Variants in TYRP1 observed in about 807,000 individuals in gnomAD.
TYRP1 encodes the protein 5,6-dihydroxyindole-2-carboxylic acid oxidase.
A neutral mutation model predicts 42.8 loss-of-function variants in TYRP1; 49 were observed. That is an observed-to-expected ratio of 1.14 (90% CI 0.91 to 1.45). The LOEUF (loss-of-function observed/expected upper bound fraction) is 1.45. Among genes scored for constraint, TYRP1 ranks in the 40% most tolerant of loss-of-function variants. The probability of loss-of-function intolerance (pLI) is 0.00; values close to 1 mark genes in which losing one functional copy is unlikely to be tolerated. For missense variants in TYRP1, 848 were observed against 662.0 expected (o/e 1.28, Z -3.08); for synonymous variants, 279 against 235.4 (o/e 1.19, Z -1.69).
intron 6 of TYRP1, among the ~76,000 whole-genome samples, chr9:12,705,557 A>C (rs1818244114): frequency 6.6e-6 from 1 of 152,044 alleles, no homozygotes; most frequent in African/African-American, 2.4e-5. Flanking sequence ...TTCCATCAAA[A>C]ATTATTTAAG....
At position 12,709,700 on chromosome 9, in the gene TYRP1, A is replaced by G. The variant is rs748262937; in HGVS notation, c.*518A>G. On this transcript the variant is annotated 3_prime_UTR_variant, in exon 8 of 8. Coordinates refer to ENST00000388918, the MANE Select transcript of TYRP1 (RefSeq NM_000550.3). ...ATGAAATTTTGATTAACCTTTTCAA[A>G]TTAATGTTCCAGTTTGAAGACCAAT... is the stretch of plus-strand genomic sequence containing the variant. The G allele has an allele frequency of 1.3e-4, 21 of 162,116 alleles. No homozygotes were observed. Among genetic ancestry groups the G allele is most frequent in the Non-Finnish European group, 2.5e-4 (18 of 73,402 alleles). 10.0% of individuals were successfully genotyped at this position (162,116 alleles called of 1,614,324 possible).
chr9:12,698,004 C>G (rs935118023), intron 3 of TYRP1, among the ~76,000 whole-genome samples: 1 of 152,080 alleles, frequency 6.6e-6, no homozygotes, highest in Non-Finnish European at 1.5e-5. Context: ...AAAATTAGCA[C>G]TCCACAAAAC....
At chr9:12,695,470 C>T in intron 2 of TYRP1, 45 bp from the exon 3 acceptor site, 4 of 1,576,300 alleles carry the variant, frequency 2.5e-6, no homozygotes, top group Non-Finnish European at 3.5e-6. Flanking sequence ...TCTACCCATC[C>T]CCGCAAGGCA....
intron 5 of TYRP1, among the ~76,000 whole-genome samples, chr9:12,703,388 T>G (rs1314674033): frequency 6.6e-6 from 1 of 151,904 alleles, no homozygotes; most frequent in African/African-American, 2.4e-5. Context: ...TTTTAATAAC[T>G]ACCTGAATGC....
At position 12,694,288 on chromosome 9, in the gene TYRP1, A is replaced by G. The variant is rs1173193758; in HGVS notation, c.292A>G (p.Thr98Ala). 2 of 1,613,964 alleles carry G rather than the reference A, an allele frequency of 1.2e-6. No individual in the cohort carries two copies. The highest frequency in any genetic ancestry group is 4.5e-5 in the East Asian group (2 of 44,836). ...EVWPLRFFNRTCHCNGNFSGH... is the reference protein window; with the variant it reads ...EVWPLRFFNRACHCNGNFSGH... ...CTGGCCCTTGCGCTTCTTCAATAGG[A>G]CATGTCACTGCAACGGCAATTTCTC... is the stretch of plus-strand genomic sequence containing the variant. Residue 98 changes from threonine (T) to alanine (A), a missense_variant, in exon 2 of 8, where the codon ACA becomes GCA. Thr to Ala is a moderately conservative substitution (Grantham distance 58). Coordinates refer to ENST00000388918, the MANE Select transcript of TYRP1 (RefSeq NM_000550.3).
chr9:12,704,744 G>A (rs544145489), intron 6 of TYRP1, 39 bp downstream of exon 6: 2 of 1,598,300 alleles, frequency 1.3e-6, no homozygotes, highest in African/African-American at 2.7e-5. Context: ...GCTCAGCTGG[G>A]CGGATTGTTT....
intron 5 of TYRP1, 86 bp from the exon 6 acceptor site, chr9:12,704,440 T>C: frequency 6.8e-7 from 1 of 1,481,000 alleles, no homozygotes; most frequent in Non-Finnish European, 9.2e-7. Flanking sequence ...TTGAAAAAAT[T>C]GTTTCCCAAT....
At chr9:12,706,615 T>C (rs971930948) in intron 6 of TYRP1, among the ~76,000 whole-genome samples, 1 of 152,020 alleles carries the variant, frequency 6.6e-6, no homozygotes, top group African/African-American at 2.4e-5. Context: ...AATGTGGCCA[T>C]AAAATTATAG....
At chr9:12,695,973 G>A in intron 3 of TYRP1, 136 bp downstream of exon 3, 1 of 893,574 alleles carries the variant, frequency 1.1e-6, no homozygotes, top group Non-Finnish European at 1.7e-6. Context: ...ACCTGTCTTT[G>A]GCATTTCGTT....
At chr9:12,707,953 A>T in intron 6 of TYRP1, 44 bp from the exon 7 acceptor site, 1 of 1,551,254 alleles carries the variant, frequency 6.4e-7, no homozygotes, top group Non-Finnish European at 8.8e-7. Flanking sequence ...TAGGAATATT[A>T]ATTTTATTAT....
chr9:12,698,373 C>T lies in TYRP1; in HGVS notation c.709-78C>T, dbSNP rs1818110587. Reference sequence around the variant, plus strand: ...TCTGAAGAGAGCTAATAGAAATAGACTGTCAGAGAGTAGACCAAACAGAAA... The same window carrying T: ...TCTGAAGAGAGCTAATAGAAATAGATTGTCAGAGAGTAGACCAAACAGAAA... On this transcript the variant is annotated intron_variant, in intron 3 of 7. Coordinates refer to ENST00000388918, the MANE Select transcript of TYRP1 (RefSeq NM_000550.3). 8.0e-6 allele frequency: 11 copies of T among 1,366,746 alleles called. No homozygotes were observed. In the South Asian group the frequency reaches 1.1e-4, roughly 13 times the overall value. 84.7% of individuals were successfully genotyped at this position (1,366,746 alleles called of 1,614,324 possible). A position where few individuals can be genotyped will look rare whatever the true frequency, so the allele number is the denominator to read the frequency against.
rs1395676854 is a variant in TYRP1 at position 12,704,591 on chromosome 9, T to C, written c.1147T>C (p.Phe383Leu). The stretch of plus-strand genomic sequence containing the variant: ...AAGTCTTCACAATTTGGCTCATCTA[T>C]TCCTGAATGGAACAGGGGGACAAAC... The part of the protein sequence containing the change: ...VRSLHNLAHL[F>L]LNGTGGQTHL... The change falls in exon 6 of 8, where the codon TTC (phenylalanine) becomes CTC (leucine). Residue 383 changes from phenylalanine (F) to leucine (L), a missense_variant. Physicochemically the swap from Phe to Leu is conservative, Grantham distance 22. Coordinates refer to ENST00000388918, the MANE Select transcript of TYRP1 (RefSeq NM_000550.3). 3 of 1,613,082 alleles carry C rather than the reference T, an allele frequency of 1.9e-6. No homozygotes were observed. The African/African-American group carries it at 4.0e-5, about 22-fold the overall frequency.
intron 4 of TYRP1, among the ~76,000 whole-genome samples, chr9:12,701,323 C>G (rs1247648332): frequency 4.0e-5 from 6 of 151,898 alleles, no homozygotes; most frequent in Non-Finnish European, 7.4e-5. Context: ...GGCCCTCCCC[C>G]TTTTTTTGTT....
chr9:12,698,843 G>A (rs1030364356), intron 4 of TYRP1, among the ~76,000 whole-genome samples, 188 bp downstream of exon 4: 1 of 152,018 alleles, frequency 6.6e-6, no homozygotes, highest in African/African-American at 2.4e-5. Context: ...TTGCTCCAGG[G>A]GAAACAGAAA....
chr9:12,694,472 G>C, intron 2 of TYRP1, 91 bp downstream of exon 2: 1 of 1,472,466 alleles, frequency 6.8e-7, no homozygotes. Context: ...AGGAATACCT[G>C]GAAATCATAT....
At chr9:12,698,840 A>G (rs1352758090) in intron 4 of TYRP1, among the ~76,000 whole-genome samples, 185 bp downstream of exon 4, 1 of 152,156 alleles carries the variant, frequency 6.6e-6, no homozygotes, top group Non-Finnish European at 1.5e-5. Flanking sequence ...AAGTTGCTCC[A>G]GGGGAAACAG....
Position 12,698,500 on chromosome 9 carries a change from C to A in TYRP1, c.758C>A (p.Thr253Lys). 1 of 1,613,684 alleles carries A rather than the reference C, an allele frequency of 6.2e-7. No homozygotes were observed. Among genetic ancestry groups the A allele is most frequent in the Non-Finnish European group, 8.5e-7 (1 of 1,179,786 alleles). Reference protein sequence around the residue: ...SFSLPYWNFATGKNVCDICTD... With the variant: ...SFSLPYWNFAKGKNVCDICTD... ...TCCCTTCCTTACTGGAATTTTGCAA[C>A]GGGGAAAAATGTCTGTGATATCTGC... Residue 253 changes from threonine (T) to lysine (K), a missense_variant, in exon 4 of 8, where the codon ACG (threonine) becomes AAG (lysine). By Grantham distance (78) the Thr-to-Lys change is moderately conservative. Transcript: ENST00000388918.
chr9:12,694,134 C>T lies in TYRP1; in HGVS notation c.138C>T (p.Ser46=), dbSNP rs185178312. The T allele has an allele frequency of 1.2e-4, 186 of 1,614,022 alleles. No individual in the cohort carries two copies. In the East Asian group the frequency reaches 3.5e-3, roughly 30 times the overall value. The change falls in exon 2 of 8, where the codon TCC becomes TCT. Residue 46 remains serine, a synonymous_variant. Coordinates refer to ENST00000388918, the MANE Select transcript of TYRP1 (RefSeq NM_000550.3). The part of the protein sequence containing the change: ...LRSGMCCPDL[S]PVSGPGTDRC... ...GTGGTATGTGTTGCCCAGACCTGTC[C>T]CCTGTGTCTGGGCCTGGGACAGACC...
At chr9:12,705,015 C>A (rs374037618) in intron 6 of TYRP1, among the ~76,000 whole-genome samples, 5 of 152,112 alleles carry the variant, frequency 3.3e-5, no homozygotes, top group African/African-American at 1.2e-4. Context: ...CATCTTCCAA[C>A]ATAAATTCTC....
Sources: allele counts gnomAD v4.1 joint callset (sites outside exome capture counted in the v4.1 genomes callset), GRCh38; gene constraint gnomAD v4.1.1; transcripts MANE v1.5; gene names NCBI Gene and HGNC (gene_info 2026-07-23, HGNC 2026-07-21).